The following DHX8 variants were observed in gnomAD, a reference collection of about 807,000 sequenced individuals.
DHX8 encodes the protein DEAH-box helicase 8, also known as ATP-dependent RNA helicase DHX8.
In DHX8, 67 loss-of-function variants were observed where a neutral mutation model predicts 140.7. The ratio of observed to expected loss-of-function variants is 0.48; its 90% CI spans 0.39 to 0.58. The LOEUF is 0.58. Among genes scored for constraint, DHX8 ranks in the 20% least tolerant of loss-of-function variants. The pLI is 0.00. For missense variants in DHX8, 887 were observed against 1,550.7 expected, an observed-to-expected ratio of 0.57 and a Z score of 7.19; for synonymous variants, 533 against 553.2, an observed-to-expected ratio of 0.96 and a Z score of 0.51.
At chr17:43,525,843 C>G (rs767487161), downstream of DHX8, 156 of 984,752 alleles carry the variant, frequency 1.6e-4, no homozygotes, top group Non-Finnish European at 1.9e-4. Context: ...CCTGTCCTGA[C>G]TGAGTGCCCA....
chr17:43,490,389 A>G lies in DHX8; in HGVS notation c.235-2A>G, dbSNP rs1453355665. 1 of 1,611,944 alleles carries G rather than the reference A, an allele frequency of 6.2e-7. No homozygotes were observed. The highest frequency in any genetic ancestry group is 8.5e-7 in the Non-Finnish European group (1 of 1,179,280). Reference sequence around the variant, plus strand: ...ATTTTCGTTCTATGTTTCTTTTCAAAGGATTCTCTTATTAGTAACTTGCTG... The same window carrying G: ...ATTTTCGTTCTATGTTTCTTTTCAAGGGATTCTCTTATTAGTAACTTGCTG... On this transcript the variant is annotated splice_acceptor_variant, in intron 2 of 22. Coordinates refer to ENST00000262415, the MANE Select transcript of DHX8 (RefSeq NM_004941.3). LOFTEE classifies it high-confidence loss of function.
rs1970584254 is a variant in DHX8 at position 43,525,552 on chromosome 17, G to T, written c.*1705G>T. ...GGCATTGTTGTGTGTTAACCTTGAA[G>T]GCCTTCTGGGGAGAGACAGTACAGG... On this transcript the variant is annotated 3_prime_UTR_variant, in exon 23 of 23. Coordinates refer to ENST00000262415, the MANE Select transcript of DHX8 (RefSeq NM_004941.3). 1.0e-6 allele frequency: 1 copy of T among 985,316 alleles called. No individual in the cohort carries two copies. Among genetic ancestry groups the T allele is most frequent in the Non-Finnish European group, 1.2e-6 (1 of 829,976 alleles). The allele number at this position is 985,316 out of a possible 1,614,324, so 61.0% of individuals were successfully genotyped here.
intron 8 of DHX8, among the ~76,000 whole-genome samples, chr17:43,495,654 C>A (rs1042729984): frequency 1.7e-4 from 26 of 152,010 alleles, no homozygotes; most frequent in African/African-American, 5.6e-4. Context: ...GGGGATAATA[C>A]TTTTGAGCTT....
chr17:43,499,202 G>T (rs1969045219), intron 10 of DHX8, among the ~76,000 whole-genome samples: 2 of 152,176 alleles, frequency 1.3e-5, no homozygotes, highest in South Asian at 4.1e-4. Context: ...AGATAGGAAT[G>T]CTTAATCTGC....
chr17:43,497,475 A>C (rs73319154), intron 9 of DHX8, among the ~76,000 whole-genome samples: 2,235 of 152,188 alleles, frequency 0.015, 48 homozygotes, highest in African/African-American at 0.051. Flanking sequence ...GGGTAGGCCA[A>C]GTGTCATGGC....
intron 12 of DHX8, among the ~76,000 whole-genome samples, chr17:43,506,091 C>T (rs1049022768): frequency 5.3e-5 from 8 of 151,974 alleles, no homozygotes; most frequent in Admixed American, 2.6e-4. Flanking sequence ...GCAACCTCTA[C>T]CTCCTGGGCT....
chr17:43,486,495 C>T (rs917126129), intron 1 of DHX8, among the ~76,000 whole-genome samples: 7 of 152,210 alleles, frequency 4.6e-5, no homozygotes, highest in African/African-American at 1.7e-4. Context: ...TTACTGTTTT[C>T]ACCAATGAAT....
chr17:43,510,742 C>A (rs1297076797), intron 16 of DHX8, among the ~76,000 whole-genome samples: 2 of 152,114 alleles, frequency 1.3e-5, no homozygotes, highest in Non-Finnish European at 2.9e-5. Flanking sequence ...TTTTATCTCC[C>A]TAAAAAGAAA....
At chr17:43,516,628 T>C (rs1335621550) in intron 17 of DHX8, among the ~76,000 whole-genome samples, 2 of 152,102 alleles carry the variant, frequency 1.3e-5, no homozygotes, top group Non-Finnish European at 2.9e-5. Context: ...TTTGTATTTT[T>C]TGTAGAGATG....
In DHX8 at chr17:43,525,081, A is replaced by G. The variant is rs375325881; in HGVS notation, c.*1234A>G. 1.2e-5 allele frequency: 12 copies of G among 985,276 alleles called. No individual in the cohort carries two copies. The highest frequency in any genetic ancestry group is 1.1e-4 in the East Asian group (1 of 8,816). 61.0% of individuals were successfully genotyped at this position (985,276 alleles called of 1,614,324 possible). The stretch of plus-strand genomic sequence containing the variant: ...AGCGCTGGGATTACAGTTGAGAGCC[A>G]CTGTCCTCTGCACTGAGGAGGCTCC... On this transcript the variant is annotated 3_prime_UTR_variant, in exon 23 of 23. Coordinates refer to ENST00000262415, the MANE Select transcript of DHX8 (RefSeq NM_004941.3).
rs2271957 is a variant in DHX8 at position 43,521,572 on chromosome 17, T to C, written c.3263+7T>C. Reference sequence around the variant, plus strand: ...TGTTAGGCATAATGGACAGGTAAGCTGGAATCTGATGACTCTGCATGTTTG... The same window carrying C: ...TGTTAGGCATAATGGACAGGTAAGCCGGAATCTGATGACTCTGCATGTTTG... On this transcript the variant is annotated splice_region_variant and intron_variant, in intron 21 of 22. Transcript: ENST00000262415. The C allele has an allele frequency of 0.26, 417,959 of 1,605,630 alleles. 55,398 individuals carry two copies. The highest frequency in any genetic ancestry group is 0.36 in the East Asian group (15,994 of 44,586).
At chr17:43,543,700 T>C (rs2154587302) in intron 3 of DHX8, among the ~76,000 whole-genome samples, 1 of 152,316 alleles carries the variant, frequency 6.6e-6, no homozygotes, top group East Asian at 1.9e-4. Context: ...GAGCTGGGCA[T>C]GCAGGACTTG....
In DHX8 at chr17:43,542,411, G is replaced by A. The variant is rs376376285; in HGVS notation, c.*21-1751G>A. ...TAGACAACAAAGTCATTTTCCCCAA[G>A]GATTCAGGGCTCCTGACAAGCCTGG... On this transcript the variant is annotated intron_variant, in intron 3 of 3. Coordinates refer to the DHX8 transcript ENST00000589898. Among the ~76,000 whole-genome samples the A allele has an allele frequency of 5.9e-5, 9 of 152,180 alleles. No homozygotes were observed. In the East Asian group the frequency reaches 9.7e-4, roughly 16 times the overall value.
In DHX8 at chr17:43,487,746, G is replaced by A. The variant is rs559205501; in HGVS notation, c.149-1703G>A. Among the ~76,000 whole-genome samples, 12 of 152,238 alleles carry A rather than the reference G, an allele frequency of 7.9e-5. No homozygotes were observed. In the East Asian group the frequency reaches 2.3e-3, roughly 29 times the overall value. On this transcript the variant is annotated intron_variant, in intron 1 of 22. Transcript: ENST00000262415. ...AATCCCAGCACTTCGGGAGGCTGAG[G>A]CAGTAGGATTACCTGAGGTCAGGAG... is the stretch of plus-strand genomic sequence containing the variant.
chr17:43,543,416 C>T (rs1389957621), intron 3 of DHX8, among the ~76,000 whole-genome samples: 3 of 152,116 alleles, frequency 2.0e-5, no homozygotes, highest in Non-Finnish European at 1.5e-5. Context: ...TCCTCCCCCT[C>T]CCATCTCAAA....
At chr17:43,523,129 T>C (rs1000107458) in intron 22 of DHX8, among the ~76,000 whole-genome samples, 2 of 151,368 alleles carry the variant, frequency 1.3e-5, no homozygotes, top group South Asian at 2.1e-4. Context: ...AAAAAACTTG[T>C]TTTAAAGTAG....
intron 3 of DHX8, among the ~76,000 whole-genome samples, chr17:43,537,182 A>G (rs924509878): frequency 1.4e-4 from 21 of 152,022 alleles, no homozygotes; most frequent in African/African-American, 5.1e-4. Context: ...CCTGGCCAAC[A>G]TGACGAAACC....
In DHX8 at chr17:43,517,292, C is replaced by G. The variant is rs768628521; in HGVS notation, c.2769C>G (p.Thr923=). The G allele has an allele frequency of 7.4e-6, 12 of 1,613,856 alleles. No homozygotes were observed. The highest frequency in any genetic ancestry group is 1.0e-5 in the Non-Finnish European group (12 of 1,179,924). ...CCAACGTGCCGGAAATCCAGAGAAC[C>G]AACTTAGCAAGCACAGTGCTGTCAC... The part of the protein sequence containing the change: ...LTTNVPEIQR[T]NLASTVLSLK... The change falls in exon 18 of 23, where the codon ACC becomes ACG. Residue 923 remains threonine, a synonymous_variant. Coordinates refer to ENST00000262415, the MANE Select transcript of DHX8 (RefSeq NM_004941.3).
downstream of DHX8, chr17:43,525,828 C>A (rs1970593079): frequency 1.0e-6 from 1 of 985,206 alleles, no homozygotes; most frequent in East Asian, 1.1e-4. Context: ...GATATAGTGG[C>A]CCAGCCTGTC....
Sources: gnomAD v4.1 joint callset for allele counts (sites outside exome capture counted in the v4.1 genomes callset) on GRCh38, gnomAD v4.1.1 for gene constraint, MANE v1.5 for transcripts, NCBI Gene and HGNC (gene_info 2026-07-23, HGNC 2026-07-21) for gene names.